Variants in SRPK1 observed in about 807,000 individuals in gnomAD.
SRPK1 encodes SRSF protein kinase 1, also known as SFRS protein kinase 1.
In SRPK1, 52 loss-of-function variants were observed where a neutral mutation model predicts 89.5. The ratio of observed to expected loss-of-function variants is 0.58; its 90% CI spans 0.46 to 0.73. The LOEUF is 0.73. SRPK1 is among the 30% of genes least tolerant of loss of function. SRPK1 has a pLI of 0.00. For synonymous variants in SRPK1, 255 were observed against 270.2 expected, an observed-to-expected ratio of 0.94 and a Z score of 0.55; for missense variants, 603 against 780.6, an observed-to-expected ratio of 0.77 and a Z score of 2.71.
chr6:35,867,489 C>T (rs538384251), intron 12 of SRPK1, among the ~76,000 whole-genome samples: 2 of 152,206 alleles, frequency 1.3e-5, no homozygotes, highest in South Asian at 4.1e-4. Context: ...ATGTGTGAAT[C>T]ATTCTATTAT....
intron 2 of SRPK1, among the ~76,000 whole-genome samples, chr6:35,910,269 C>T (rs1405885447): frequency 2.0e-5 from 3 of 152,166 alleles, no homozygotes; most frequent in South Asian, 2.1e-4. Flanking sequence ...AGGAGTGAGC[C>T]ACCACGCCCA....
At chr6:35,918,926 C>T (rs1048268833) in intron 2 of SRPK1, among the ~76,000 whole-genome samples, 1 of 152,156 alleles carries the variant, frequency 6.6e-6, no homozygotes, top group African/African-American at 2.4e-5. Context: ...GAGATCTGGA[C>T]AAATAGTCTG....
intron 12 of SRPK1, among the ~76,000 whole-genome samples, chr6:35,867,034 G>A (rs1769919694): frequency 6.6e-6 from 1 of 152,306 alleles, no homozygotes; most frequent in East Asian, 1.9e-4. Context: ...GGTGGATGAA[G>A]GGATGTTACT....
chr6:35,880,539 A>G (rs371676170), intron 6 of SRPK1, among the ~76,000 whole-genome samples: 1 of 151,570 alleles, frequency 6.6e-6, no homozygotes, highest in African/African-American at 2.4e-5. Flanking sequence ...CCTGGCCAAC[A>G]TGGTGAAATC....
chr6:35,870,883 A>G, intron 9 of SRPK1, 51 bp downstream of exon 9: 2 of 1,474,422 alleles, frequency 1.4e-6, no homozygotes, highest in South Asian at 1.2e-5. Flanking sequence ...AGAAGAACCC[A>G]TGCCCATAGT....
At chr6:35,873,300 T>C (rs1467885673) in intron 7 of SRPK1, among the ~76,000 whole-genome samples, 1 of 152,244 alleles carries the variant, frequency 6.6e-6, no homozygotes, top group African/African-American at 2.4e-5. Context: ...TATCTATTCA[T>C]GTAAAATTAC....
At chr6:35,845,776 A>C (rs1439818246) in intron 13 of SRPK1, among the ~76,000 whole-genome samples, 4 of 152,188 alleles carry the variant, frequency 2.6e-5, no homozygotes, top group Non-Finnish European at 4.4e-5. Context: ...TGGGCTGGCC[A>C]ATGGCTGTCT....
intron 13 of SRPK1, among the ~76,000 whole-genome samples, chr6:35,842,991 C>T (rs377512814): frequency 2.1e-5 from 3 of 143,102 alleles, no homozygotes; most frequent in Non-Finnish European, 4.5e-5. Flanking sequence ...TTTTTTGAGA[C>T]GGAGTCTCAC....
chr6:35,858,261 A>C (rs1769706254), intron 12 of SRPK1, among the ~76,000 whole-genome samples: 1 of 152,176 alleles, frequency 6.6e-6, no homozygotes, highest in Non-Finnish European at 1.5e-5. Flanking sequence ...ATTTTGAAGT[A>C]CATACTAGAC....
At chr6:35,873,358 A>G (rs1404797870) in intron 7 of SRPK1, among the ~76,000 whole-genome samples, 1 of 152,270 alleles carries the variant, frequency 6.6e-6, no homozygotes, top group East Asian at 1.9e-4. Context: ...TTCCCAAGTC[A>G]GGAACCTCAG....
intron 12 of SRPK1, among the ~76,000 whole-genome samples, chr6:35,866,763 C>T (rs548841535): frequency 2.8e-4 from 42 of 152,148 alleles, no homozygotes; most frequent in Admixed American, 1.9e-3. Context: ...ATTACAACTA[C>T]GGAATCAACC....
At chr6:35,917,612 C>A (rs1455773695) in intron 2 of SRPK1, among the ~76,000 whole-genome samples, 1 of 152,178 alleles carries the variant, frequency 6.6e-6, no homozygotes, top group Non-Finnish European at 1.5e-5. Context: ...AAACACAGAG[C>A]TGGAAAGGGA....
intron 13 of SRPK1, among the ~76,000 whole-genome samples, chr6:35,852,466 T>C (rs1183047568): frequency 2.6e-5 from 4 of 152,180 alleles, no homozygotes; most frequent in Non-Finnish European, 5.9e-5. Flanking sequence ...ATAGCTTTCA[T>C]TGTATAGGAT....
chr6:35,884,781 AC>A (rs1205605076), intron 6 of SRPK1, among the ~76,000 whole-genome samples: 1 of 152,154 alleles, frequency 6.6e-6, no homozygotes, highest in Non-Finnish European at 1.5e-5. Flanking sequence ...CGGGCAGATC[AC>A]CTGAGGTCAG....
intron 8 of SRPK1, among the ~76,000 whole-genome samples, chr6:35,872,210 C>T (rs754954361): frequency 2.0e-5 from 3 of 152,202 alleles, no homozygotes; most frequent in Non-Finnish European, 4.4e-5. Flanking sequence ...GTGTTTAAAC[C>T]TAAACTATTA....
At chr6:35,836,079 T>C (rs1247161457) in intron 15 of SRPK1, among the ~76,000 whole-genome samples, 2 of 152,202 alleles carry the variant, frequency 1.3e-5, no homozygotes, top group Non-Finnish European at 2.9e-5. Context: ...GTCTGCGGTC[T>C]GTCAGGTCTG....
At chr6:35,850,893 A>T (rs1331323030) in intron 13 of SRPK1, among the ~76,000 whole-genome samples, 1 of 152,220 alleles carries the variant, frequency 6.6e-6, no homozygotes, top group Non-Finnish European at 1.5e-5. Flanking sequence ...GGTGAAGGAG[A>T]AAGCACATCC....
chr6:35,882,377 C>T (rs1160226423), intron 6 of SRPK1, among the ~76,000 whole-genome samples: 1 of 151,956 alleles, frequency 6.6e-6, no homozygotes, highest in Non-Finnish European at 1.5e-5. Context: ...AGTACAGTGG[C>T]ACTATCATAG....
In SRPK1 at chr6:35,870,354, T is replaced by C. The variant is rs1210770154; in HGVS notation, c.918A>G (p.Gln306=). The C allele has an allele frequency of 6.2e-7, 1 of 1,612,632 alleles. No homozygotes were observed. Among genetic ancestry groups the C allele is most frequent in the East Asian group, 2.2e-5 (1 of 44,874 alleles). The change falls in exon 10 of 16, where the codon CAA becomes CAG. Residue 306 remains glutamine, a synonymous_variant. Coordinates refer to ENST00000373825, the MANE Select transcript of SRPK1 (RefSeq NM_003137.5). ...SGPGQKRPNK[Q]EESESPVERP... ...TTTCAACAGGACTCTCTGATTCTTC[T>C]TGCTTGTTTGGTCTTTTTTGCCCAG...
Sources: allele counts gnomAD v4.1 joint callset (sites outside exome capture counted in the v4.1 genomes callset), GRCh38; gene constraint gnomAD v4.1.1; transcripts MANE v1.5; gene names NCBI Gene and HGNC (gene_info 2026-07-23, HGNC 2026-07-21).